STAC2: variants seen among roughly 807,000 people sequenced by gnomAD.
STAC2 encodes SH3 and cysteine-rich domain-containing protein 2.
In STAC2, 36 loss-of-function variants were observed where a neutral mutation model predicts 49.0. That is an observed-to-expected ratio of 0.74 (90% CI 0.56 to 0.97). The LOEUF (loss-of-function observed/expected upper bound fraction) is 0.97. Ranked by LOEUF, STAC2 falls within the 50% of genes least tolerant of loss-of-function variation. The probability of loss-of-function intolerance (pLI) is 0.00; values close to 1 mark genes in which losing one functional copy is unlikely to be tolerated. For synonymous variants in STAC2, 239 were observed against 214.7 expected, an observed-to-expected ratio of 1.11 and a Z score of -0.99; for missense variants, 527 against 543.8, an observed-to-expected ratio of 0.97 and a Z score of 0.31.
rs1242443225 is a variant in STAC2 at position 39,211,471 on chromosome 17, AG to A, written c.*820del. 1 of 152,078 alleles carries A rather than the reference AG, an allele frequency of 6.6e-6. No homozygotes were observed. Among genetic ancestry groups the A allele is most frequent in the Non-Finnish European group, 1.5e-5 (1 of 68,048 alleles). The allele number at this position is 152,078 out of a possible 1,614,324, so 9.4% of individuals were successfully genotyped here. A position where few individuals can be genotyped will look rare whatever the true frequency, so the allele number is the denominator to read the frequency against. On this transcript the variant is annotated 3_prime_UTR_variant, in exon 11 of 11. Transcript: ENST00000333461. ...TGGCTAAGTTTCGTACTTTTAGTAGAGACGGGGTTTCACCATGTTGGCCAGG... is the reference window on the plus strand; with the variant it reads ...TGGCTAAGTTTCGTACTTTTAGTAGAACGGGGTTTCACCATGTTGGCCAGG...
chr17:39,215,902 C>G (rs2046397927), intron 4 of STAC2, among the ~76,000 whole-genome samples: 1 of 151,990 alleles, frequency 6.6e-6, no homozygotes, highest in Non-Finnish European at 1.5e-5. Context: ...CCATGTTGGT[C>G]AGGCTTGTCT....
intron 10 of STAC2, 127 bp downstream of exon 10, chr17:39,212,868 C>T: frequency 2.7e-6 from 4 of 1,461,154 alleles, no homozygotes; most frequent in Non-Finnish European, 3.7e-6. Flanking sequence ...TTCTTTCTAA[C>T]CCGCTTTCCC....
At chr17:39,220,750 G>C (rs1368750496) in intron 1 of STAC2, among the ~76,000 whole-genome samples, 3 of 151,794 alleles carry the variant, frequency 2.0e-5, no homozygotes, top group Non-Finnish European at 4.4e-5. Flanking sequence ...GGGATTACAG[G>C]CGTGAGCCAC....
intron 1 of STAC2, among the ~76,000 whole-genome samples, chr17:39,221,447 C>A (rs2046462075): frequency 1.3e-5 from 2 of 152,154 alleles, no homozygotes; most frequent in South Asian, 4.1e-4. Flanking sequence ...CCAAATATCC[C>A]CAGAAACTTA....
chr17:39,213,629 G>T, intron 8 of STAC2, 71 bp from the exon 9 acceptor site: 1 of 1,480,772 alleles, frequency 6.8e-7, no homozygotes, highest in Non-Finnish European at 9.4e-7. Flanking sequence ...GCAGACCCTG[G>T]GCACCTGGGG....
Position 39,225,714 on chromosome 17 carries a change from G to C in STAC2, c.-212C>G. 4 of 589,804 alleles carry C rather than the reference G, an allele frequency of 6.8e-6. No individual in the cohort carries two copies. The South Asian group carries it at 7.8e-5, about 12-fold the overall frequency. The allele number at this position is 589,804 out of a possible 1,614,324, so 36.5% of individuals were successfully genotyped here. ...GGGAGGCCACCACGCTGAGCCGCAG[G>C]AGCGGGACGACCCCGGGCGCGAGGA... On this transcript the variant is annotated 5_prime_UTR_variant, in exon 1 of 11. Transcript: ENST00000333461. This position sits in a 1 kb window ranked among gnomAD's most constrained non-coding sequence, Gnocchi z 8.2.
chr17:39,215,059 G>A, intron 5 of STAC2, 36 bp from the exon 6 acceptor site: 3 of 1,613,962 alleles, frequency 1.9e-6, no homozygotes, highest in South Asian at 2.2e-5. Context: ...CAGCCCCCGA[G>A]CCCACTGTCA....
At chr17:39,212,470 C>T (rs2046363343) in intron 10 of STAC2, 74 bp from the exon 11 acceptor site, 2 of 1,187,204 alleles carry the variant, frequency 1.7e-6, no homozygotes, top group Non-Finnish European at 2.4e-6. Context: ...CCATGGCCCC[C>T]AGGGGACCCA....
At chr17:39,221,908 T>G (rs2046466885) in intron 1 of STAC2, among the ~76,000 whole-genome samples, 1 of 152,172 alleles carries the variant, frequency 6.6e-6, no homozygotes, top group Non-Finnish European at 1.5e-5. Flanking sequence ...CTCATCACCC[T>G]GCGATGGCCT....
intron 2 of STAC2, 32 bp from the exon 3 acceptor site, chr17:39,217,205 C>A: frequency 6.2e-7 from 1 of 1,604,322 alleles, no homozygotes. Flanking sequence ...CAATTGAGGA[C>A]ACCCCCGTGG....
At chr17:39,223,780 G>A (rs1216370823) in intron 1 of STAC2, among the ~76,000 whole-genome samples, 1 of 152,216 alleles carries the variant, frequency 6.6e-6, no homozygotes, top group Non-Finnish European at 1.5e-5. Context: ...TGTCTACCCA[G>A]GTGACTAGAG....
chr17:39,225,822 G>C lies in STAC2; in HGVS notation c.-320C>G. 1 of 344,108 alleles carries C rather than the reference G, an allele frequency of 2.9e-6. No homozygotes were observed. Among genetic ancestry groups the C allele is most frequent in the Non-Finnish European group, 5.4e-6 (1 of 185,700 alleles). The allele number at this position is 344,108 out of a possible 1,614,324, so 21.3% of individuals were successfully genotyped here. The stretch of plus-strand genomic sequence containing the variant: ...GGGATGAGCCGAGGGAGGGAGCCAA[G>C]GAGCTGTCCGTGTCCAGCCGGCTCC... On this transcript the variant is annotated 5_prime_UTR_variant, in exon 1 of 11. Transcript: ENST00000333461. This position sits in a 1 kb window ranked among gnomAD's most constrained non-coding sequence, Gnocchi z 8.2.
chr17:39,218,000 C>A lies in STAC2; in HGVS notation c.264G>T (p.Leu88=), dbSNP rs1422525980. 6.3e-7 allele frequency: 1 copy of A among 1,582,986 alleles called. No individual in the cohort carries two copies. Among genetic ancestry groups the A allele is most frequent in the Admixed American group, 1.8e-5 (1 of 55,726 alleles). Residue 88 remains leucine, a synonymous_variant, in exon 2 of 11, where the codon CTG becomes CTT. Coordinates refer to ENST00000333461, the MANE Select transcript of STAC2 (RefSeq NM_198993.5). ...SPPPTASDRG[L]ATPSPSPCPV... ...GGCATGGGGAGGGGGATGGGGTAGC[C>A]AGGCCCCTGTCCGAGGCTGTGGGTG... is the stretch of plus-strand genomic sequence containing the variant.
intron 1 of STAC2, among the ~76,000 whole-genome samples, chr17:39,221,865 C>T (rs911303394): frequency 6.6e-6 from 1 of 152,214 alleles, no homozygotes; most frequent in African/African-American, 2.4e-5. Context: ...TGAGAAGGGA[C>T]CTGGAAGACT....
rs565568463 is a variant in STAC2 at position 39,213,015 on chromosome 17, T to C, written c.1111A>G (p.Met371Val). The C allele has an allele frequency of 8.1e-6, 13 of 1,614,018 alleles. No homozygotes were observed. The Admixed American group carries it at 1.0e-4, about 12-fold the overall frequency. Residue 371 changes from methionine to valine, a missense_variant, in exon 10 of 11, where the codon ATG becomes GTG. Met to Val is a conservative substitution (Grantham distance 21). Transcript: ENST00000333461. ...PFSGNKEQGY[M>V]SLKENQICVG... is the part of the protein sequence containing the mutation. ...CTCACCTGGTTCTCCTTGAGGCTCA[T>C]GTAACCCTGTTCCTTGTTCCCGGAG...
At chr17:39,222,058 T>G (rs544370841) in intron 1 of STAC2, among the ~76,000 whole-genome samples, 2 of 152,264 alleles carry the variant, frequency 1.3e-5, no homozygotes, top group South Asian at 4.1e-4. Context: ...CTCCCTGGGA[T>G]TTTCGCCTAT....
At chr17:39,213,230 A>G in intron 9 of STAC2, 98 bp from the exon 10 acceptor site, 19 of 1,551,440 alleles carry the variant, frequency 1.2e-5, no homozygotes, top group Non-Finnish European at 1.6e-5. Context: ...CACCAATGCC[A>G]TCATCCTCCA....
chr17:39,225,308 G>T lies in STAC2; in HGVS notation c.90+105C>A. On this transcript the variant is annotated intron_variant, in intron 1 of 10. Transcript: ENST00000333461. The surrounding 1 kb of genome is among the most constrained non-coding windows in gnomAD (Gnocchi z 8.2). ...GCGCGGAGCCTCAGTGGTCACGCGG[G>T]CCTCGCGACCGCGACCCTAGGACGC... 9 of 928,546 alleles carry T rather than the reference G, an allele frequency of 9.7e-6. No individual in the cohort carries two copies. Among genetic ancestry groups the T allele is most frequent in the Non-Finnish European group, 1.4e-5 (9 of 648,716 alleles). The allele number at this position is 928,546 out of a possible 1,614,324, so 57.5% of individuals were successfully genotyped here. A position where few individuals can be genotyped will look rare whatever the true frequency, so the allele number is the denominator to read the frequency against.
Position 39,224,327 on chromosome 17 carries a change from G to A in STAC2, c.90+1086C>T, listed in dbSNP as rs998172850. On this transcript the variant is annotated intron_variant, in intron 1 of 10. Coordinates refer to ENST00000333461, the MANE Select transcript of STAC2 (RefSeq NM_198993.5). Reference sequence around the variant, plus strand: ...TGGGAACAAAATACCGGGTGAAGGGGGAGGGAGGAGGTCTTGGCCTGAAGT... The same window carrying A: ...TGGGAACAAAATACCGGGTGAAGGGAGAGGGAGGAGGTCTTGGCCTGAAGT... Among the ~76,000 whole-genome samples the A allele has an allele frequency of 2.6e-5, 4 of 152,352 alleles. 1 individual carries two copies. Among genetic ancestry groups the A allele is most frequent in the Admixed American group, 1.3e-4 (2 of 15,310 alleles).
Sources: allele counts gnomAD v4.1 joint callset (sites outside exome capture counted in the v4.1 genomes callset), GRCh38; gene constraint gnomAD v4.1.1; non-coding constraint Gnocchi (gnomAD v3.1); transcripts MANE v1.5; gene names NCBI Gene and HGNC (gene_info 2026-07-23, HGNC 2026-07-21).